RAB27A: variants seen among roughly 807,000 people sequenced by gnomAD.
The protein encoded by RAB27A is RAB27A, member RAS oncogene family, also known as ras-related protein Rab-27A.
In RAB27A, 17 loss-of-function variants were observed where a neutral mutation model predicts 20.8. The observed-to-expected ratio is 0.82, with a 90% CI of 0.56 to 1.23. The LOEUF is 1.23. RAB27A is among the 50% of genes most tolerant of loss of function. The pLI is 0.00. For synonymous variants in RAB27A, 85 were observed against 92.8 expected (o/e 0.92, Z 0.48); for missense variants, 277 against 266.7 (o/e 1.04, Z -0.27).
intron 2 of RAB27A, among the ~76,000 whole-genome samples, chr15:55,236,418 C>T (rs1896260286): frequency 6.6e-6 from 1 of 152,096 alleles, no homozygotes; most frequent in African/African-American, 2.4e-5. Context: ...CAGATTTGAA[C>T]AGTCACTGCT....
chr15:55,288,851 G>A (rs1418923552), intron 1 of RAB27A: 1 of 151,674 alleles, frequency 6.6e-6, no homozygotes, highest in East Asian at 1.9e-4. Flanking sequence ...ACAGTGAGTG[G>A]AGAATCAACA....
At chr15:55,272,322 C>A (rs1437921540) in intron 1 of RAB27A, among the ~76,000 whole-genome samples, 1 of 152,122 alleles carries the variant, frequency 6.6e-6, no homozygotes, top group East Asian at 1.9e-4. Context: ...TGCCGTGAAC[C>A]CGGGAGGCGG....
Position 55,205,708 on chromosome 15 carries a change from G to T in RAB27A, c.468-3C>A. 1 of 1,611,216 alleles carries T rather than the reference G, an allele frequency of 6.2e-7. No homozygotes were observed. Among genetic ancestry groups the T allele is most frequent in the Non-Finnish European group, 8.5e-7 (1 of 1,177,380 alleles). Reference sequence around the variant, plus strand: ...CACTAGTTTCAAAGTAGGGGATTCTGGAAGACAGAGACAACTGAGGTAACA... The same window carrying T: ...CACTAGTTTCAAAGTAGGGGATTCTTGAAGACAGAGACAACTGAGGTAACA... On this transcript the variant is annotated splice_polypyrimidine_tract_variant and splice_region_variant and intron_variant, in intron 6 of 6. Coordinates refer to ENST00000336787, the MANE Select transcript of RAB27A (RefSeq NM_183235.3).
rs148058699 is a variant in RAB27A at position 55,249,886 on chromosome 15, T to A, written c.-22-14930A>T. Among the ~76,000 whole-genome samples the A allele has an allele frequency of 2.6e-5, 4 of 152,346 alleles. No homozygotes were observed. The East Asian group carries it at 5.8e-4, about 22-fold the overall frequency. On this transcript the variant is annotated intron_variant, in intron 2 of 6. Coordinates refer to ENST00000336787, the MANE Select transcript of RAB27A (RefSeq NM_183235.3). ...AGCATTAAATTTGTGCTTTTCAGTC[T>A]GTTTTCTATGAAACGCTGGGATTCA...
chr15:55,229,869 T>C (rs1266511511), intron 4 of RAB27A, among the ~76,000 whole-genome samples: 1 of 152,182 alleles, frequency 6.6e-6, no homozygotes, highest in African/African-American at 2.4e-5. Context: ...GTTTATCATA[T>C]AATCCTTCCA....
chr15:55,277,251 A>C (rs1897899597), intron 1 of RAB27A, among the ~76,000 whole-genome samples: 1 of 152,178 alleles, frequency 6.6e-6, no homozygotes, highest in Non-Finnish European at 1.5e-5. Flanking sequence ...CTACTGCAAG[A>C]CTTCAGTGGT....
intron 1 of RAB27A, among the ~76,000 whole-genome samples, chr15:55,274,798 A>ATATATG (rs1350668872): frequency 2.6e-5 from 3 of 116,152 alleles, no homozygotes; most frequent in Admixed American, 8.1e-5. Context: ...AATAAATTAT[A>ATATATG]TATATATATA....
At chr15:55,287,412 T>G (rs1237555396) in intron 1 of RAB27A, among the ~76,000 whole-genome samples, 1 of 152,174 alleles carries the variant, frequency 6.6e-6, no homozygotes, top group Non-Finnish European at 1.5e-5. Flanking sequence ...CTTACATCTA[T>G]TTTAGAACCA....
chr15:55,298,728 A>G (rs1226762805), intron 2 of RAB27A, among the ~76,000 whole-genome samples: 2 of 152,186 alleles, frequency 1.3e-5, no homozygotes, highest in African/African-American at 4.8e-5. Flanking sequence ...CCTACAGTCT[A>G]CAGGCCATAA....
chr15:55,205,244 A>G lies in RAB27A; in HGVS notation c.*263T>C. The G allele has an allele frequency of 2.0e-6, 1 of 502,188 alleles. No individual in the cohort carries two copies. Among genetic ancestry groups the G allele is most frequent in the Non-Finnish European group, 3.6e-6 (1 of 276,330 alleles). The allele number at this position is 502,188 out of a possible 1,614,324, so 31.1% of individuals were successfully genotyped here. ...CTGCAAAATTCTGAATCCTTGAATGATTTACTATAATAGGCTAAGGTTGTA... is the reference window on the plus strand; with the variant it reads ...CTGCAAAATTCTGAATCCTTGAATGGTTTACTATAATAGGCTAAGGTTGTA... On this transcript the variant is annotated 3_prime_UTR_variant, in exon 7 of 7. Coordinates refer to ENST00000336787, the MANE Select transcript of RAB27A (RefSeq NM_183235.3).
chr15:55,257,183 G>A (rs1385983510), intron 2 of RAB27A, among the ~76,000 whole-genome samples: 1 of 152,134 alleles, frequency 6.6e-6, no homozygotes, highest in Non-Finnish European at 1.5e-5. Context: ...GTGTTTGTGG[G>A]TGGTATCAGA....
chr15:55,235,941 C>T (rs1896237686), intron 2 of RAB27A, among the ~76,000 whole-genome samples: 1 of 152,086 alleles, frequency 6.6e-6, no homozygotes, highest in Admixed American at 6.6e-5. Context: ...TGTTCTCACT[C>T]ATATGTAGGA....
chr15:55,294,315 C>T (rs970853317), upstream of RAB27A, among the ~76,000 whole-genome samples: 9 of 152,026 alleles, frequency 5.9e-5, no homozygotes, highest in Admixed American at 3.9e-4. Flanking sequence ...AGGCCTGGCG[C>T]GGTAGCTCAC....
At chr15:55,248,780 A>T (rs1375971615) in intron 2 of RAB27A, among the ~76,000 whole-genome samples, 1 of 152,224 alleles carries the variant, frequency 6.6e-6, no homozygotes, top group Non-Finnish European at 1.5e-5. Context: ...TGATGCCAGG[A>T]TTCTTAGCTT....
rs1566939501 is a variant in RAB27A at position 55,296,923 on chromosome 15, C to G, written c.-112+17116G>C. 2.6e-5 allele frequency among the ~76,000 whole-genome samples: 4 copies of G among 152,108 alleles called. No individual in the cohort carries two copies. In the South Asian group the frequency reaches 8.3e-4, roughly 32 times the overall value. ...GTGCAGGAGGGTTCAGGGTTGGGCC[C>G]ATATCCCAGGGCACTGTCAACCTAA... On this transcript the variant is annotated intron_variant, in intron 2 of 5. Coordinates refer to the RAB27A transcript ENST00000563262.
chr15:55,248,721 G>A (rs1273070336), intron 2 of RAB27A, among the ~76,000 whole-genome samples: 4 of 152,010 alleles, frequency 2.6e-5, no homozygotes, highest in East Asian at 1.9e-4. Context: ...ATTAAACTAG[G>A]CTCAGAAAAA....
chr15:55,203,449 C>T lies in RAB27A; in HGVS notation c.*2058G>A, dbSNP rs1894489497. On this transcript the variant is annotated 3_prime_UTR_variant, in exon 7 of 7. Transcript: ENST00000336787. ...TTTTTTTTTTGAGACAGAGTCTCCT[C>T]TGTCGCCCAGGCTGGAGTGCAGTGG... 1 of 138,048 alleles carries T rather than the reference C, an allele frequency of 7.2e-6. No individual in the cohort carries two copies. Among genetic ancestry groups the T allele is most frequent in the Non-Finnish European group, 1.5e-5 (1 of 65,912 alleles). 8.6% of individuals were successfully genotyped at this position (138,048 alleles called of 1,614,324 possible).
intron 2 of RAB27A, among the ~76,000 whole-genome samples, chr15:55,236,164 T>C (rs1305350916): frequency 6.8e-6 from 1 of 146,212 alleles, no homozygotes; most frequent in Admixed American, 6.7e-5. Context: ...CCTATGGAAA[T>C]AAAAAAAAAA....
chr15:55,303,627 G>A (rs76504619), intron 2 of RAB27A, among the ~76,000 whole-genome samples: 1 of 97,468 alleles, frequency 1.0e-5, no homozygotes, highest in African/African-American at 4.0e-5. Flanking sequence ...TCGGCCCCCC[G>A]CCCGGCCAGC....
Sources: allele counts gnomAD v4.1 joint callset (sites outside exome capture counted in the v4.1 genomes callset), GRCh38; gene constraint gnomAD v4.1.1; transcripts MANE v1.5; gene names NCBI Gene and HGNC (gene_info 2026-07-23, HGNC 2026-07-21).